Variants in CALN1 observed in about 807,000 individuals in gnomAD.
The protein encoded by CALN1 is calcium-binding protein 8.
A neutral mutation model predicts 30.6 loss-of-function variants in CALN1; 17 were observed. The ratio of observed to expected loss-of-function variants is 0.56; its 90% confidence interval spans 0.38 to 0.83. CALN1 has a LOEUF of 0.83. Among genes scored for constraint, CALN1 ranks in the 40% least tolerant of loss-of-function variants. The probability of loss-of-function intolerance (pLI) is 0.00; values close to 1 mark genes in which losing one functional copy is unlikely to be tolerated. For synonymous variants in CALN1, 156 were observed against 131.4 expected (o/e 1.19, Z -1.28); for missense variants, 291 against 354.9 (o/e 0.82, Z 1.45).
At position 71,933,757 on chromosome 7, in the gene CALN1, G is replaced by T. The variant is rs548626147; in HGVS notation, c.501+89900C>A. On this transcript the variant is annotated intron_variant, in intron 5 of 6. Transcript: ENST00000395275. ...TCTTAGCTTATCTCCCAGTGAGAAT[G>T]TAAGTTATTTTATGCGGAGAGACTT... Among the ~76,000 whole-genome samples the T allele has an allele frequency of 1.8e-3, 268 of 152,288 alleles. 1 individual carries two copies. Among genetic ancestry groups the T allele is most frequent in the African/African-American group, 6.1e-3 (253 of 41,562 alleles).
the CALN1 span, among the ~76,000 whole-genome samples, chr7:72,471,410 T>G: frequency 6.6e-6 from 1 of 152,200 alleles, no homozygotes; most frequent in Non-Finnish European, 1.5e-5. Context: ...AAAGAGAGGC[T>G]ACCCAGTGTC....
intron 5 of CALN1, among the ~76,000 whole-genome samples, chr7:71,909,247 CG>C (rs1254099863): frequency 2.0e-5 from 3 of 152,088 alleles, no homozygotes; most frequent in African/African-American, 4.8e-5. Flanking sequence ...TTCTGGCCTC[CG>C]GAAGTGCTGG....
At chr7:72,138,798 T>C (rs1031619411) in intron 3 of CALN1, among the ~76,000 whole-genome samples, 14 of 152,166 alleles carry the variant, frequency 9.2e-5, no homozygotes, top group Admixed American at 2.0e-4. Flanking sequence ...TCCCCGCCCT[T>C]ACCCTTTCTT....
In CALN1 at chr7:72,402,851, G is replaced by T. The variant is rs566706192; in HGVS notation, c.119+400C>A. Among the ~76,000 whole-genome samples the T allele has an allele frequency of 2.0e-5, 3 of 152,244 alleles. No individual in the cohort carries two copies. In the South Asian group the frequency reaches 6.2e-4, roughly 32 times the overall value. On this transcript the variant is annotated intron_variant, in intron 2 of 6. Transcript: ENST00000395275. ...GATCTCAGTCAAGCTGCCTGTTTGTGTTACTTTCCTCCTGTCGAAACGAGA... is the reference window on the plus strand; with the variant it reads ...GATCTCAGTCAAGCTGCCTGTTTGTTTTACTTTCCTCCTGTCGAAACGAGA...
At chr7:72,251,948 T>C (rs1260209984) in intron 3 of CALN1, among the ~76,000 whole-genome samples, 3 of 152,316 alleles carry the variant, frequency 2.0e-5, no homozygotes, top group East Asian at 1.9e-4. Flanking sequence ...TTTAAAAATA[T>C]AGATTAAGAA....
chr7:72,185,214 T>C (rs747112205), intron 3 of CALN1, among the ~76,000 whole-genome samples: 2 of 151,920 alleles, frequency 1.3e-5, no homozygotes, highest in Admixed American at 6.6e-5. Flanking sequence ...GCGTAGAAAA[T>C]GTACATGGGA....
At chr7:72,218,326 T>C (rs1451059529) in intron 3 of CALN1, among the ~76,000 whole-genome samples, 1 of 151,954 alleles carries the variant, frequency 6.6e-6, no homozygotes, top group East Asian at 2.0e-4. Flanking sequence ...CATGCACCTG[T>C]AGTCCTAGCT....
chr7:72,212,241 C>T (rs139998740), intron 3 of CALN1, among the ~76,000 whole-genome samples: 23 of 150,400 alleles, frequency 1.5e-4, no homozygotes, highest in African/African-American at 5.4e-4. Flanking sequence ...CCCAGCTACT[C>T]GGGAGGCTGA....
At position 71,783,110 on chromosome 7, in the gene CALN1, G is replaced by A. The variant is rs1792804703; in HGVS notation, c.*4665C>T. The A allele has an allele frequency of 6.6e-6, 1 of 152,200 alleles. No individual in the cohort carries two copies. Among genetic ancestry groups the A allele is most frequent in the South Asian group, 2.1e-4 (1 of 4,812 alleles). The allele number at this position is 152,200 out of a possible 1,614,324, so 9.4% of individuals were successfully genotyped here. A position where few individuals can be genotyped will look rare whatever the true frequency, so the allele number is the denominator to read the frequency against. ...CCTTCTGGGGCAGTTGAGCAATCAG[G>A]TGTGGAGGGAAGATGGCTATGGTAA... On this transcript the variant is annotated 3_prime_UTR_variant, in exon 7 of 7. Transcript: ENST00000395275.
At chr7:72,373,618 G>C (rs1425170805) in intron 2 of CALN1, among the ~76,000 whole-genome samples, 1 of 152,046 alleles carries the variant, frequency 6.6e-6, no homozygotes, top group Admixed American at 6.5e-5. Flanking sequence ...AGATATTTTA[G>C]GTAAACTAGG....
chr7:72,279,918 G>A (rs921116780), intron 2 of CALN1, among the ~76,000 whole-genome samples: 2 of 152,206 alleles, frequency 1.3e-5, no homozygotes, highest in African/African-American at 2.4e-5. Context: ...CAAGGAGTGG[G>A]TAGAGAACAT....
intron 2 of CALN1, among the ~76,000 whole-genome samples, chr7:72,282,219 A>G (rs2129554267): frequency 6.6e-6 from 1 of 152,348 alleles, no homozygotes; most frequent in Middle Eastern, 3.4e-3. Flanking sequence ...TCAAGCAAAG[A>G]TAAACCTTGT....
At chr7:72,141,834 G>T (rs752748674) in intron 3 of CALN1, among the ~76,000 whole-genome samples, 2 of 151,990 alleles carry the variant, frequency 1.3e-5, no homozygotes, top group Non-Finnish European at 2.9e-5. Flanking sequence ...CTCCCAAAGT[G>T]CTGGGATTAC....
intron 5 of CALN1, among the ~76,000 whole-genome samples, chr7:72,012,111 G>C (rs1031136702): frequency 6.6e-6 from 1 of 152,188 alleles, no homozygotes; most frequent in African/African-American, 2.4e-5. Flanking sequence ...GGACTTTCCC[G>C]ATAATGTGAC....
the CALN1 span, among the ~76,000 whole-genome samples, chr7:72,499,826 C>CTTCCTTCCTTCT: frequency 1.9e-5 from 1 of 53,308 alleles, no homozygotes; most frequent in African/African-American, 1.0e-4. Context: ...TCCTTCCTTC[C>CTTCCTTCCTTCT]TTCTTTCTTT....
chr7:72,390,159 G>A (rs1805486120), intron 2 of CALN1, among the ~76,000 whole-genome samples: 2 of 151,988 alleles, frequency 1.3e-5, no homozygotes, highest in African/African-American at 4.8e-5. Context: ...GGCCGGGCAC[G>A]GCGACTCACC....
intron 2 of CALN1, among the ~76,000 whole-genome samples, chr7:72,301,827 C>T (rs1395155438): frequency 6.6e-6 from 1 of 152,096 alleles, no homozygotes; most frequent in African/African-American, 2.4e-5. Context: ...AAGGCTGCTA[C>T]TAAAACCTGC....
At chr7:72,364,808 T>C (rs1803784612) in intron 2 of CALN1, among the ~76,000 whole-genome samples, 1 of 152,218 alleles carries the variant, frequency 6.6e-6, no homozygotes, top group African/African-American at 2.4e-5. Context: ...AATTGATTTG[T>C]TATTCAAAAG....
chr7:72,093,611 C>T (rs530263105), intron 4 of CALN1, among the ~76,000 whole-genome samples: 7 of 152,260 alleles, frequency 4.6e-5, no homozygotes, highest in African/African-American at 1.7e-4. Flanking sequence ...AAGGTTTGAC[C>T]TTTATGGTAA....
Sources: gnomAD v4.1 joint callset for allele counts (sites outside exome capture counted in the v4.1 genomes callset) on GRCh38, gnomAD v4.1.1 for gene constraint, MANE v1.5 for transcripts, NCBI Gene and HGNC (gene_info 2026-07-23, HGNC 2026-07-21) for gene names.